MTF2: variants seen among roughly 807,000 people sequenced by gnomAD.
MTF2 encodes the protein metal response element binding transcription factor 2.
MTF2 carries 11 observed loss-of-function variants against 79.5 expected under a neutral mutation model. The observed-to-expected ratio is 0.14, with a 90% CI of 0.09 to 0.23. The LOEUF is 0.23. Among genes scored for constraint, MTF2 ranks in the 10% least tolerant of loss-of-function variants. The pLI, the probability that MTF2 is intolerant of heterozygous loss-of-function variation, is 1.00. For synonymous variants in MTF2, 208 were observed against 232.8 expected (o/e 0.89, Z 0.97); for missense variants, 486 against 711.2 (o/e 0.68, Z 3.60).
intron 1 of MTF2, among the ~76,000 whole-genome samples, chr1:93,085,261 C>G (rs544770946): frequency 6.7e-6 from 1 of 149,200 alleles, no homozygotes; most frequent in Non-Finnish European, 1.5e-5. Flanking sequence ...GTGCAAGCTC[C>G]GCCTCCCAGG....
chr1:93,084,419 G>A (rs983999952), intron 1 of MTF2, among the ~76,000 whole-genome samples: 14 of 152,180 alleles, frequency 9.2e-5, no homozygotes, highest in East Asian at 7.7e-4. Flanking sequence ...AAATTGGGAC[G>A]TTGTGAGTCC....
intron 9 of MTF2, among the ~76,000 whole-genome samples, chr1:93,123,500 C>A (rs1032192887): frequency 4.0e-5 from 6 of 151,808 alleles, no homozygotes; most frequent in Non-Finnish European, 8.8e-5. Flanking sequence ...CTCTTGCCAC[C>A]AGATCAGAGA....
chr1:93,134,258 G>A lies in MTF2; in HGVS notation c.1424+63G>A, dbSNP rs1647282038. ...ACTCTAGATTTCTTTTCTTTGTAAA[G>A]TGTTGATTGAATAATTTTTTAGCAA... On this transcript the variant is annotated intron_variant, in intron 14 of 14. Coordinates refer to ENST00000370298, the MANE Select transcript of MTF2 (RefSeq NM_007358.4). The A allele has an allele frequency of 3.3e-6, 4 of 1,227,916 alleles. No homozygotes were observed. The East Asian group carries it at 9.8e-5, about 30-fold the overall frequency. The allele number at this position is 1,227,916 out of a possible 1,614,324, so 76.1% of individuals were successfully genotyped here. A position where few individuals can be genotyped will look rare whatever the true frequency, so the allele number is the denominator to read the frequency against.
intron 1 of MTF2, among the ~76,000 whole-genome samples, chr1:93,101,646 C>T (rs1381167617): frequency 2.4e-5 from 3 of 125,422 alleles, no homozygotes; most frequent in Admixed American, 1.1e-4. Context: ...GGTGCAGTCA[C>T]AGCTCACTGC....
intron 1 of MTF2, among the ~76,000 whole-genome samples, chr1:93,095,326 T>C (rs1655245036): frequency 6.6e-6 from 1 of 152,152 alleles, no homozygotes; most frequent in South Asian, 2.1e-4. Flanking sequence ...CTTCTACATA[T>C]TTCTTCATTC....
chr1:93,114,932 TTG>T (rs887286704), intron 4 of MTF2, 54 bp from the exon 5 acceptor site: 10 of 1,345,270 alleles, frequency 7.4e-6, no homozygotes, highest in Non-Finnish European at 1.0e-5. Flanking sequence ...ATTCTTGAAA[TTG>T]TGTTGAAAGT....
chr1:93,120,377 T>C (rs1266116290), intron 8 of MTF2, 172 bp from the exon 9 acceptor site: 7 of 474,230 alleles, frequency 1.5e-5, no homozygotes, highest in African/African-American at 1.4e-4. Flanking sequence ...AGTGAATGTT[T>C]AGTCACTATT....
At chr1:93,082,495 G>A (rs1226296077) in intron 1 of MTF2, among the ~76,000 whole-genome samples, 1 of 151,982 alleles carries the variant, frequency 6.6e-6, no homozygotes, top group Non-Finnish European at 1.5e-5. Flanking sequence ...TTACTGTGTT[G>A]CCCAGGCTGG....
At chr1:93,136,068 C>T (rs1409432411) in intron 14 of MTF2, among the ~76,000 whole-genome samples, 2 of 152,104 alleles carry the variant, frequency 1.3e-5, no homozygotes, top group Admixed American at 1.3e-4. Flanking sequence ...ACACATTATC[C>T]AGTCTAACCC....
chr1:93,121,287 A>G, intron 9 of MTF2: 1 of 889,168 alleles, frequency 1.1e-6, no homozygotes, highest in Non-Finnish European at 1.3e-6. Flanking sequence ...AAATTTTGAA[A>G]CTAATGAATA....
At position 93,114,858 on chromosome 1, in the gene MTF2, C is replaced by T. The variant is rs1656182770; in HGVS notation, c.382+75C>T. ...AAGATTAATGACTAAAAATACTTTA[C>T]ATTGATAATTTGAAATTATCCTTTT... On this transcript the variant is annotated intron_variant, in intron 4 of 14. Coordinates refer to ENST00000370298, the MANE Select transcript of MTF2 (RefSeq NM_007358.4). 3.1e-6 allele frequency: 4 copies of T among 1,292,878 alleles called. No individual in the cohort carries two copies. The South Asian group carries it at 5.5e-5, about 18-fold the overall frequency. 80.1% of individuals were successfully genotyped at this position (1,292,878 alleles called of 1,614,324 possible). A position where few individuals can be genotyped will look rare whatever the true frequency, so the allele number is the denominator to read the frequency against.
intron 3 of MTF2, among the ~76,000 whole-genome samples, chr1:93,113,216 C>CAAAAAAA (rs34291057): frequency 2.8e-5 from 3 of 107,002 alleles, no homozygotes; most frequent in African/African-American, 1.1e-4. Context: ...CCTGTCGCTA[C>CAAAAAAA]AAAAAAAAAA....
At chr1:93,103,892 GA>G (rs1655652046) in intron 1 of MTF2, among the ~76,000 whole-genome samples, 1 of 152,128 alleles carries the variant, frequency 6.6e-6, no homozygotes, top group Non-Finnish European at 1.5e-5. Context: ...TTTTCTGTAA[GA>G]TTTTTTTGGG....
intron 5 of MTF2, 44 bp downstream of exon 5, chr1:93,115,132 A>G (rs762984422): frequency 3.7e-5 from 51 of 1,377,696 alleles, no homozygotes; most frequent in Non-Finnish European, 4.8e-5. Flanking sequence ...TGGAATTTGT[A>G]AGACATTATC....
chr1:93,136,682 C>T lies in MTF2; in HGVS notation c.1437C>T (p.Ser479=), dbSNP rs1277791588. Residue 479 remains serine (S), a synonymous_variant, in exon 15 of 15, where the codon TCC becomes TCT. Coordinates refer to ENST00000370298, the MANE Select transcript of MTF2 (RefSeq NM_007358.4). The stretch of plus-strand genomic sequence containing the variant: ...CTCTGTTACATAGATTATCTGACTC[C>T]AGAAAAAGAACGCGTACAGGAAGAT... The part of the protein sequence containing the change: ...SISRHYGLSD[S]RKRTRTGRSW... 2 of 1,612,384 alleles carry T rather than the reference C, an allele frequency of 1.2e-6. No homozygotes were observed. Among genetic ancestry groups the T allele is most frequent in the East Asian group, 2.2e-5 (1 of 44,862 alleles).
intron 1 of MTF2, among the ~76,000 whole-genome samples, chr1:93,090,134 G>C (rs1655015237): frequency 6.6e-6 from 1 of 152,050 alleles, no homozygotes; most frequent in Non-Finnish European, 1.5e-5. Flanking sequence ...CCGCCATCAC[G>C]CCCGGCTAAT....
rs193221058 is a variant in MTF2, at chr1:93,126,144, C to T, written c.922-1088C>T. Among the ~76,000 whole-genome samples the T allele has an allele frequency of 6.7e-4, 82 of 121,862 alleles. No homozygotes were observed. In the East Asian group the frequency reaches 7.4e-3, roughly 11 times the overall value. 79.9% of individuals were successfully genotyped at this position (121,862 alleles called of 152,430 possible). A position where few individuals can be genotyped will look rare whatever the true frequency, so the allele number is the denominator to read the frequency against. Reference sequence around the variant, plus strand: ...TTGATATAGGGGAATGAGTACCTAACTCGTATTTAACATGTTTTTTTTTTT... The same window carrying T: ...TTGATATAGGGGAATGAGTACCTAATTCGTATTTAACATGTTTTTTTTTTT... On this transcript the variant is annotated intron_variant, in intron 9 of 14. Transcript: ENST00000370298.
intron 1 of MTF2, among the ~76,000 whole-genome samples, chr1:93,109,337 G>GT (rs1469021287): frequency 1.0e-4 from 15 of 147,502 alleles, no homozygotes; most frequent in African/African-American, 2.0e-4. Flanking sequence ...CTTTTTTTTT[G>GT]TTTTTTTGTT....
chr1:93,135,096 T>C (rs532403239), intron 14 of MTF2, among the ~76,000 whole-genome samples: 1 of 152,254 alleles, frequency 6.6e-6, no homozygotes, highest in East Asian at 1.9e-4. Context: ...CAGCCTCTCA[T>C]GTAGCTGGGA....
Sources: allele counts gnomAD v4.1 joint callset (sites outside exome capture counted in the v4.1 genomes callset), GRCh38; gene constraint gnomAD v4.1.1; transcripts MANE v1.5; gene names NCBI Gene and HGNC (gene_info 2026-07-23, HGNC 2026-07-21).